Variants in TENM1 observed in about 807,000 individuals in gnomAD.
The protein encoded by TENM1 is teneurin-1.
A neutral mutation model predicts 174.8 loss-of-function variants in TENM1; 35 were observed. The ratio of observed to expected loss-of-function variants is 0.20; its 90% CI spans 0.15 to 0.27. The LOEUF (loss-of-function observed/expected upper bound fraction) is 0.27, where lower values mean the gene tolerates loss of function less well. Among genes scored for constraint, TENM1 ranks in the 10% least tolerant of loss-of-function variants. The pLI is 1.00. For synonymous variants in TENM1, 781 were observed against 798.7 expected, an observed-to-expected ratio of 0.98 and a Z score of 0.37; for missense variants, 1,633 against 2,130.1, an observed-to-expected ratio of 0.77 and a Z score of 4.59.
At chrX:124,869,241 A>C (rs772389348) in intron 3 of TENM1, among the ~76,000 whole-genome samples, 7 of 110,429 alleles carry the variant, frequency 6.3e-5, no homozygotes, top group Non-Finnish European at 1.1e-4. Context: ...TCAAGGAAAA[A>C]AAAAAAGATG....
chrX:124,425,223 T>C (rs1603262543), intron 23 of TENM1, among the ~76,000 whole-genome samples: 1 of 112,461 alleles, frequency 8.9e-6, no homozygotes, highest in East Asian at 2.8e-4. Flanking sequence ...TGATTTCCTT[T>C]ACTTTTCTGA....
chrX:124,758,517 C>T (rs1365661437), intron 3 of TENM1, among the ~76,000 whole-genome samples: 1 of 111,330 alleles, frequency 9.0e-6, no homozygotes, highest in Non-Finnish European at 1.9e-5. Flanking sequence ...ACCATTTGAT[C>T]CAGCAACCCT....
chrX:124,628,594 T>C (rs77113284), intron 11 of TENM1, among the ~76,000 whole-genome samples: 1 of 111,431 alleles, frequency 9.0e-6, no homozygotes, highest in South Asian at 3.8e-4. Context: ...AAGTGTCTCA[T>C]TGGTTTCAAT....
chrX:124,546,391 T>C (rs1025037259), intron 15 of TENM1, among the ~76,000 whole-genome samples: 1 of 112,006 alleles, frequency 8.9e-6, no homozygotes, highest in Admixed American at 9.5e-5. Context: ...GGGTTGGGCT[T>C]TGGTCTGAGG....
intron 18 of TENM1, among the ~76,000 whole-genome samples, chrX:124,517,988 A>G (rs906785799): frequency 9.0e-6 from 1 of 110,788 alleles, no homozygotes; most frequent in African/African-American, 3.3e-5. Flanking sequence ...CAGGAATGAG[A>G]TGTCGCACTT....
At chrX:124,799,930 C>G (rs112531669) in intron 3 of TENM1, among the ~76,000 whole-genome samples, 198 of 111,947 alleles carry the variant, frequency 1.8e-3, no homozygotes, top group African/African-American at 6.2e-3. Context: ...GTTGAACCAG[C>G]CTTGCATCCC....
At chrX:124,392,590 T>C (rs978860825) in intron 27 of TENM1, among the ~76,000 whole-genome samples, 1 of 111,804 alleles carries the variant, frequency 8.9e-6, no homozygotes, top group African/African-American at 3.3e-5. Context: ...AGGTGGTTGT[T>C]GATTGCTTTT....
chrX:124,758,740 A>T (rs1199248439), intron 3 of TENM1, among the ~76,000 whole-genome samples: 1 of 111,846 alleles, frequency 8.9e-6, no homozygotes, highest in East Asian at 2.8e-4. Context: ...CAAAATGATG[A>T]ATCTGGAAGA....
At chrX:124,647,527 A>T (rs909156565) in intron 8 of TENM1, among the ~76,000 whole-genome samples, 2 of 111,621 alleles carry the variant, frequency 1.8e-5, no homozygotes, top group Admixed American at 9.6e-5. Flanking sequence ...GGTGACATAA[A>T]TATGTACCGT....
intron 18 of TENM1, among the ~76,000 whole-genome samples, chrX:124,511,142 T>C (rs998217873): frequency 9.8e-5 from 11 of 112,353 alleles, no homozygotes; most frequent in Admixed American, 2.8e-4. Context: ...AAAATTGAGT[T>C]GTAGTTCACA....
At chrX:124,593,186 T>C (rs1925310455) in intron 11 of TENM1, among the ~76,000 whole-genome samples, 1 of 111,326 alleles carries the variant, frequency 9.0e-6, no homozygotes, top group African/African-American at 3.3e-5. Flanking sequence ...ACCAGGTGAA[T>C]AGGTGCTTTG....
intron 22 of TENM1, among the ~76,000 whole-genome samples, chrX:124,476,710 C>T (rs760144384): frequency 1.7e-4 from 19 of 112,381 alleles, no homozygotes; most frequent in African/African-American, 6.1e-4. Flanking sequence ...ATATCCCCAC[C>T]TAGTACCATT....
At chrX:124,605,410 AC>A (rs1223124763) in intron 11 of TENM1, among the ~76,000 whole-genome samples, 1 of 108,625 alleles carries the variant, frequency 9.2e-6, no homozygotes, top group East Asian at 2.9e-4. Context: ...GATCTACAGG[AC>A]CTTTTGTTGT....
At chrX:124,412,495 TA>T (rs899459091) in intron 25 of TENM1, among the ~76,000 whole-genome samples, 56 of 111,479 alleles carry the variant, frequency 5.0e-4, no homozygotes, top group African/African-American at 1.4e-3. Flanking sequence ...ACCTTTGCTT[TA>T]AAAAAAAATT....
chrX:125,186,601 ACTCTCTCT>A, the TENM1 span, among the ~76,000 whole-genome samples: 2 of 100,078 alleles, frequency 2.0e-5, no homozygotes, highest in African/African-American at 7.3e-5. Context: ...CCTGGCACAC[ACTCTCTCT>A]CTCTCTCTCT....
chrX:124,570,921 T>C (rs1271100016), intron 11 of TENM1, among the ~76,000 whole-genome samples: 2 of 111,534 alleles, frequency 1.8e-5, no homozygotes, highest in Non-Finnish European at 3.8e-5. Context: ...CCAATGAAAT[T>C]ATGCAAGAAA....
At chrX:124,443,042 C>CTGTGTGTG (rs1288057201) in intron 23 of TENM1, among the ~76,000 whole-genome samples, 35 of 42,169 alleles carry the variant, frequency 8.3e-4, no homozygotes, top group African/African-American at 3.5e-3. Context: ...GCCTGGATGA[C>CTGTGTGTG]TATGTGTGTG....
intron 18 of TENM1, among the ~76,000 whole-genome samples, chrX:124,506,360 T>G (rs982451575): frequency 3.6e-5 from 4 of 111,443 alleles, no homozygotes; most frequent in Non-Finnish European, 7.5e-5. Context: ...AATGCAGTGG[T>G]AATGAGACAT....
Position 124,881,242 on chromosome X carries a change from CT to C in TENM1, c.535+13053del, listed in dbSNP as rs200272682. On this transcript the variant is annotated intron_variant, in intron 3 of 31. Coordinates refer to ENST00000422452, the Ensembl canonical transcript of TENM1. Reference sequence around the variant, plus strand: ...ATCTGTTCAGGTTTTCTATATTTTCCTGATTCAATCTTGGTAGGGTGTATGT... The same window carrying C: ...ATCTGTTCAGGTTTTCTATATTTTCCGATTCAATCTTGGTAGGGTGTATGT... Among the ~76,000 whole-genome samples, 1,038 of 111,592 alleles carry C rather than the reference CT, an allele frequency of 9.3e-3. 5 individuals carry two copies. Among genetic ancestry groups the C allele is most frequent in the East Asian group, 0.022 (79 of 3,556 alleles).
Sources: allele counts gnomAD v4.1 joint callset (sites outside exome capture counted in the v4.1 genomes callset), GRCh38; gene constraint gnomAD v4.1.1; transcripts MANE v1.5; gene names NCBI Gene and HGNC (gene_info 2026-07-23, HGNC 2026-07-21).